The following DUSP10 variants were observed in gnomAD, a reference collection of about 807,000 sequenced individuals.
The protein encoded by DUSP10 is dual specificity phosphatase 10, also known as dual specificity protein phosphatase 10.
DUSP10 carries 14 observed loss-of-function variants against 30.8 expected under a neutral mutation model. The observed-to-expected ratio is 0.46, with a 90% CI of 0.30 to 0.71. The LOEUF (loss-of-function observed/expected upper bound fraction) is 0.71, where lower values mean the gene tolerates loss of function less well. Among genes scored for constraint, DUSP10 ranks in the 30% least tolerant of loss-of-function variants. The pLI is 0.08. For missense variants in DUSP10, 550 were observed against 619.4 expected, an observed-to-expected ratio of 0.89 and a Z score of 1.19; for synonymous variants, 254 against 250.4, an observed-to-expected ratio of 1.01 and a Z score of -0.14.
At chr1:221,738,136 G>A (rs370837272) in intron 2 of DUSP10, among the ~76,000 whole-genome samples, 43 of 152,328 alleles carry the variant, frequency 2.8e-4, no homozygotes, top group African/African-American at 8.7e-4. Context: ...AAGGTGCTCC[G>A]AGAAGAGTGG....
chr1:221,735,611 G>A (rs1334613034), intron 2 of DUSP10, among the ~76,000 whole-genome samples: 1 of 152,190 alleles, frequency 6.6e-6, no homozygotes, highest in East Asian at 1.9e-4. Context: ...TAATCTGGTT[G>A]ATAGGTGTAT....
At chr1:221,707,849 C>A (rs1571808322) in intron 2 of DUSP10, among the ~76,000 whole-genome samples, 1 of 152,036 alleles carries the variant, frequency 6.6e-6, no homozygotes, top group Admixed American at 6.5e-5. Context: ...TGACCAAAAG[C>A]TGAAGAACTG....
chr1:221,733,454 G>A (rs922648657), intron 2 of DUSP10, among the ~76,000 whole-genome samples: 6 of 152,182 alleles, frequency 3.9e-5, no homozygotes, highest in Admixed American at 2.0e-4. Flanking sequence ...ATGACAAGCT[G>A]GATGATTAAG....
At position 221,706,591 on chromosome 1, in the gene DUSP10, A is replaced by G. The variant is rs987361395; in HGVS notation, c.812-125T>C. On this transcript the variant is annotated intron_variant, in intron 2 of 3. Coordinates refer to ENST00000366899, the MANE Select transcript of DUSP10 (RefSeq NM_007207.6). The surrounding 1 kb of genome is among the most constrained non-coding windows in gnomAD (Gnocchi z 4.6). ...ATTTTAAATACATATATAAATATGT[A>G]TTTAAGCAAAAAAAATAAAAATAAA... The G allele has an allele frequency of 6.6e-6, 4 of 607,304 alleles. No homozygotes were observed. The highest frequency in any genetic ancestry group is 1.9e-5 in the African/African-American group (1 of 51,998). The allele number at this position is 607,304 out of a possible 1,614,324, so 37.6% of individuals were successfully genotyped here.
At chr1:221,713,600 A>T (rs58668859) in intron 2 of DUSP10, among the ~76,000 whole-genome samples, 47,014 of 151,828 alleles carry the variant, frequency 0.31, 7,485 homozygotes, top group East Asian at 0.47. Context: ...TTCTATAAAA[A>T]CTTAGTTTCA....
chr1:221,704,800 A>G (rs920375199), intron 3 of DUSP10, among the ~76,000 whole-genome samples: 5 of 152,144 alleles, frequency 3.3e-5, no homozygotes, highest in Admixed American at 6.6e-5. Flanking sequence ...TTCAGACTCA[A>G]TATTCCATGG....
intron 2 of DUSP10, among the ~76,000 whole-genome samples, chr1:221,716,479 G>A (rs1390522824): frequency 6.6e-6 from 1 of 152,192 alleles, no homozygotes; most frequent in Admixed American, 6.5e-5. Context: ...GGTGGTTCCA[G>A]TTGTCCCCTC....
intron 2 of DUSP10, 50 bp downstream of exon 2, chr1:221,738,884 G>A: frequency 6.5e-7 from 1 of 1,535,340 alleles, no homozygotes; most frequent in Non-Finnish European, 8.7e-7. Context: ...AAAACCCAAA[G>A]TGAACCCGGC....
intron 2 of DUSP10, among the ~76,000 whole-genome samples, chr1:221,714,159 T>C (rs905416616): frequency 6.6e-6 from 1 of 152,204 alleles, no homozygotes; most frequent in East Asian, 1.9e-4. Context: ...CAACATAATA[T>C]AGAATACTGA....
At chr1:221,734,120 C>T (rs1033028303) in intron 2 of DUSP10, among the ~76,000 whole-genome samples, 1 of 152,194 alleles carries the variant, frequency 6.6e-6, no homozygotes, top group African/African-American at 2.4e-5. Flanking sequence ...CTTTTATAGT[C>T]AGTCCACAAT....
At chr1:221,714,072 A>T (rs1399818689) in intron 2 of DUSP10, among the ~76,000 whole-genome samples, 2 of 152,212 alleles carry the variant, frequency 1.3e-5, no homozygotes, top group Non-Finnish European at 2.9e-5. Flanking sequence ...AGAAAAAAAA[A>T]TTCTGAAAAG....
intron 2 of DUSP10, among the ~76,000 whole-genome samples, chr1:221,709,414 T>C (rs1236967792): frequency 1.3e-5 from 2 of 150,886 alleles, no homozygotes; most frequent in Admixed American, 6.6e-5. Flanking sequence ...TATGGGTGCA[T>C]TGTATGTTTA....
chr1:221,706,256 T>C lies in DUSP10; in HGVS notation c.1022A>G (p.Asp341Gly). The C allele has an allele frequency of 2.5e-6, 4 of 1,614,142 alleles. No homozygotes were observed. The highest frequency in any genetic ancestry group is 3.4e-6 in the Non-Finnish European group (4 of 1,180,020). ...GCCGATGTTCAGCCGCTGCATGGTG[T>C]CCAGGTCCTGAGCATCCTGCTCATT... ...LGNEQDAQDL[D>G]TMQRLNIGYV... Residue 341 changes from aspartate (D) to glycine (G), a missense_variant, in exon 3 of 4, where the codon GAC becomes GGC. Physicochemically the swap from Asp to Gly is moderately conservative, Grantham distance 94. Coordinates refer to ENST00000366899, the MANE Select transcript of DUSP10 (RefSeq NM_007207.6). This position sits in a 1 kb window ranked among gnomAD's most constrained non-coding sequence, Gnocchi z 4.6.
intron 2 of DUSP10, among the ~76,000 whole-genome samples, chr1:221,724,736 T>C (rs557567806): frequency 2.3e-4 from 35 of 152,320 alleles, no homozygotes; most frequent in Non-Finnish European, 3.8e-4. Context: ...TGCATGCACA[T>C]GGAGGGGTAG....
intron 2 of DUSP10, among the ~76,000 whole-genome samples, chr1:221,723,831 G>C (rs1661345236): frequency 6.6e-6 from 1 of 152,190 alleles, no homozygotes; most frequent in African/African-American, 2.4e-5. Flanking sequence ...GGTGTCCAGA[G>C]TTTTTATTGG....
chr1:221,728,273 G>C (rs1195444661), intron 2 of DUSP10, among the ~76,000 whole-genome samples: 1 of 152,154 alleles, frequency 6.6e-6, no homozygotes. Flanking sequence ...AATGAACTTT[G>C]TGACGAAATC....
At position 221,702,759 on chromosome 1, in the gene DUSP10, C is replaced by T; in HGVS notation, c.1184-82G>A. 7.1e-7 allele frequency: 1 copy of T among 1,416,328 alleles called. No homozygotes were observed. The highest frequency in any genetic ancestry group is 1.4e-5 in the African/African-American group (1 of 70,276). The allele number at this position is 1,416,328 out of a possible 1,614,324, so 87.7% of individuals were successfully genotyped here. ...GAGAGAAACTTTCATCTCAACTTTG[C>T]AATGCCTTATTTTGTATAGAAATAA... On this transcript the variant is annotated intron_variant, in intron 3 of 3. Coordinates refer to ENST00000366899, the MANE Select transcript of DUSP10 (RefSeq NM_007207.6). This position sits in a 1 kb window ranked among gnomAD's most constrained non-coding sequence, Gnocchi z 4.5.
chr1:221,741,686 A>G (rs992130256), intron 1 of DUSP10, among the ~76,000 whole-genome samples: 1 of 151,340 alleles, frequency 6.6e-6, no homozygotes, highest in African/African-American at 2.4e-5. Flanking sequence ...CCGAGCATTT[A>G]AAACTGCCGC....
At chr1:221,720,297 C>T (rs1661245303) in intron 2 of DUSP10, among the ~76,000 whole-genome samples, 1 of 152,160 alleles carries the variant, frequency 6.6e-6, no homozygotes, top group South Asian at 2.1e-4. Flanking sequence ...AGCCGCATCC[C>T]CCAACCTCCA....
Sources: allele counts gnomAD v4.1 joint callset (sites outside exome capture counted in the v4.1 genomes callset), GRCh38; gene constraint gnomAD v4.1.1; non-coding constraint Gnocchi (gnomAD v3.1); transcripts MANE v1.5; gene names NCBI Gene and HGNC (gene_info 2026-07-23, HGNC 2026-07-21).